CAPRIN2: variants seen among roughly 807,000 people sequenced by gnomAD.
CAPRIN2 encodes the protein caprin family member 2.
CAPRIN2 carries 66 observed loss-of-function variants against 130.4 expected under a neutral mutation model. That is an observed-to-expected ratio of 0.51 (90% confidence interval 0.42 to 0.62). CAPRIN2 has a LOEUF of 0.62. Among genes scored for constraint, CAPRIN2 ranks in the 20% least tolerant of loss-of-function variants. The pLI, the probability that CAPRIN2 is intolerant of heterozygous loss-of-function variation, is 0.00. For synonymous variants in CAPRIN2, 471 were observed against 444.1 expected (o/e 1.06, Z -0.76); for missense variants, 1,185 against 1,246.6 (o/e 0.95, Z 0.74).
At chr12:30,746,600 G>A (rs1285788026) in intron 2 of CAPRIN2, among the ~76,000 whole-genome samples, 1 of 152,206 alleles carries the variant, frequency 6.6e-6, no homozygotes, top group Non-Finnish European at 1.5e-5. Flanking sequence ...GTGAACACAT[G>A]AATAATAAGA....
exon 8 of CAPRIN2, chr12:30,729,002 T>C (rs1565616260): frequency 1.2e-6 from 2 of 1,614,166 alleles, no homozygotes; most frequent in East Asian, 2.2e-5. Context: ...TGGATTTAGG[T>C]GTATCTTGCT....
chr12:30,739,775 A>G (rs573810394), intron 3 of CAPRIN2, among the ~76,000 whole-genome samples: 1 of 152,180 alleles, frequency 6.6e-6, no homozygotes, highest in East Asian at 1.9e-4. Flanking sequence ...TGATCTGTAA[A>G]ATTGGACTAT....
chr12:30,743,345 ATG>A (rs1299938403), intron 2 of CAPRIN2, among the ~76,000 whole-genome samples: 2 of 151,988 alleles, frequency 1.3e-5, no homozygotes, highest in Non-Finnish European at 2.9e-5. Flanking sequence ...ACAAATTCAA[ATG>A]TGTTTTCAGT....
At chr12:30,725,989 G>T in exon 9 of CAPRIN2, 1 of 1,595,444 alleles carries the variant, frequency 6.3e-7, no homozygotes, top group South Asian at 1.1e-5. Flanking sequence ...CAAGTTCCTT[G>T]AATCTGAGTC....
chr12:30,715,035 G>T (rs778583241), exon 14 of CAPRIN2: 2 of 1,613,972 alleles, frequency 1.2e-6, no homozygotes, highest in East Asian at 4.5e-5. Flanking sequence ...CAGATCCCCG[G>T]CTATTGACAA....
chr12:30,727,968 TAGC>T (rs935062650), intron 8 of CAPRIN2, among the ~76,000 whole-genome samples: 3 of 152,208 alleles, frequency 2.0e-5, no homozygotes, highest in Non-Finnish European at 4.4e-5. Context: ...GTTATTCGTA[TAGC>T]AGGTAAATGA....
At chr12:30,743,616 G>A (rs1248038882) in intron 2 of CAPRIN2, among the ~76,000 whole-genome samples, 1 of 152,002 alleles carries the variant, frequency 6.6e-6, no homozygotes, top group Non-Finnish European at 1.5e-5. Flanking sequence ...TTTTCCATTA[G>A]CTTCTCTCTC....
rs1439552400 is a variant in CAPRIN2, at chr12:30,731,332, T to C, written c.1060+11A>G. On this transcript the variant is annotated intron_variant, in intron 6 of 16. Transcript: ENST00000298892. Reference sequence around the variant, plus strand: ...CAACCACTATAAGGATTTTCAGAGGTCACAACAAACCTGACTCTTTGACAG... The same window carrying C: ...CAACCACTATAAGGATTTTCAGAGGCCACAACAAACCTGACTCTTTGACAG... 1.2e-6 allele frequency: 2 copies of C among 1,608,486 alleles called. No individual in the cohort carries two copies. The highest frequency in any genetic ancestry group is 2.7e-5 in the African/African-American group (2 of 74,816).
intron 11 of CAPRIN2, among the ~76,000 whole-genome samples, chr12:30,721,318 T>A (rs2059346899): frequency 6.6e-6 from 1 of 151,230 alleles, no homozygotes; most frequent in African/African-American, 2.4e-5. Flanking sequence ...TCCGGGTACG[T>A]TTAACACTGT....
intron 3 of CAPRIN2, 57 bp downstream of exon 4, chr12:30,740,960 ATTT>A: frequency 1.0e-6 from 1 of 999,058 alleles, no homozygotes; most frequent in East Asian, 2.5e-5. Flanking sequence ...ACACACTGAC[ATTT>A]TCTCCAAGAT....
exon 8 of CAPRIN2, chr12:30,728,855 G>C: frequency 3.1e-6 from 5 of 1,614,082 alleles, no homozygotes; most frequent in Non-Finnish European, 4.2e-6. Flanking sequence ...ATGACTTGGT[G>C]GTGTTCTGTT....
In CAPRIN2 at chr12:30,711,815, T is replaced by C; in HGVS notation, c.2602-186A>G. 3 of 693,716 alleles carry C rather than the reference T, an allele frequency of 4.3e-6. 1 individual carries two copies. In the South Asian group the frequency reaches 4.5e-5, roughly 10 times the overall value. The allele number at this position is 693,716 out of a possible 1,614,324, so 43.0% of individuals were successfully genotyped here. On this transcript the variant is annotated intron_variant, in intron 15 of 16. Transcript: ENST00000298892. ...AAACAAAGCAAGGGCAACAGTGGCATTACTTGCTTCACCTGTTAATTAACC... is the reference window on the plus strand; with the variant it reads ...AAACAAAGCAAGGGCAACAGTGGCACTACTTGCTTCACCTGTTAATTAACC...
chr12:30,745,004 C>G (rs2069303228), intron 2 of CAPRIN2, among the ~76,000 whole-genome samples: 1 of 152,120 alleles, frequency 6.6e-6, no homozygotes, highest in African/African-American at 2.4e-5. Context: ...GGTAAGATCT[C>G]AAGACAAGGA....
chr12:30,729,541 C>T (rs1048526636), intron 7 of CAPRIN2, among the ~76,000 whole-genome samples: 3 of 152,192 alleles, frequency 2.0e-5, no homozygotes, highest in African/African-American at 7.2e-5. Flanking sequence ...GAAATACAGA[C>T]TTCGATACAT....
At chr12:30,746,579 G>C (rs2070553985) in intron 2 of CAPRIN2, among the ~76,000 whole-genome samples, 1 of 151,272 alleles carries the variant, frequency 6.6e-6, no homozygotes, top group South Asian at 2.1e-4. Flanking sequence ...TGGGGTGAAA[G>C]TGCTACTCCA....
chr12:30,754,232 TG>T, exon 1 of CAPRIN2: 1 of 157,670 alleles, frequency 6.3e-6, no homozygotes. Context: ...TATTCTCAGT[TG>T]TTTGGTTTAG....
chr12:30,716,648 G>A (rs1157380353), exon 13 of CAPRIN2: 2 of 1,613,718 alleles, frequency 1.2e-6, no homozygotes, highest in South Asian at 2.2e-5. Context: ...TTCTTTTCGT[G>A]GAGGCAGAGG....
chr12:30,711,651 T>C (rs1368835045), intron 15 of CAPRIN2, 22 bp from the exon 18 acceptor site: 1 of 1,590,872 alleles, frequency 6.3e-7, no homozygotes, highest in East Asian at 2.2e-5. Flanking sequence ...ATATAATATT[T>C]ACCTTGGCAT....
intron 3 of CAPRIN2, among the ~76,000 whole-genome samples, chr12:30,737,674 T>G (rs1255651740): frequency 1.4e-5 from 2 of 148,126 alleles, no homozygotes; most frequent in Non-Finnish European, 3.0e-5. Context: ...CTCGGCCCAC[T>G]GCAAGCTCTG....
Sources: gnomAD v4.1 joint callset for allele counts (sites outside exome capture counted in the v4.1 genomes callset) on GRCh38, gnomAD v4.1.1 for gene constraint, MANE v1.5 for transcripts, NCBI Gene and HGNC (gene_info 2026-07-23, HGNC 2026-07-21) for gene names.